The following PPP3CB variants were observed in gnomAD, a reference collection of about 807,000 sequenced individuals.
The protein encoded by PPP3CB is serine/threonine-protein phosphatase 2B catalytic subunit beta isoform.
In PPP3CB, 8 loss-of-function variants were observed where a neutral mutation model predicts 66.4. That is an observed-to-expected ratio of 0.12 (90% confidence interval 0.07 to 0.22). The LOEUF (loss-of-function observed/expected upper bound fraction) is 0.22. Among genes scored for constraint, PPP3CB ranks in the 10% least tolerant of loss-of-function variants. The probability of loss-of-function intolerance (pLI) is 1.00; values close to 1 mark genes in which losing one functional copy is unlikely to be tolerated. For missense variants in PPP3CB, 319 were observed against 642.5 expected (o/e 0.50, Z 5.44); for synonymous variants, 208 against 221.2 (o/e 0.94, Z 0.53).
chr10:73,446,452 A>T (rs1428060785), intron 11 of PPP3CB, 40 bp downstream of exon 11: 6 of 1,571,782 alleles, frequency 3.8e-6, no homozygotes, highest in African/African-American at 2.7e-5. Flanking sequence ...CAATAAACGT[A>T]ATTTCTGCAA....
chr10:73,440,491 A>G (rs1161186757), intron 12 of PPP3CB, among the ~76,000 whole-genome samples: 1 of 152,332 alleles, frequency 6.6e-6, no homozygotes, highest in South Asian at 2.1e-4. Context: ...AGGGCAGTAA[A>G]CTTGATGAAT....
chr10:73,479,545 TAA>T (rs768086430), intron 1 of PPP3CB, 28 bp from the exon 2 acceptor site: 5 of 1,592,526 alleles, frequency 3.1e-6, no homozygotes, highest in South Asian at 2.2e-5. Flanking sequence ...TAATAAAAGA[TAA>T]GTCACCAAAA....
chr10:73,450,142 C>T (rs573987447), intron 10 of PPP3CB, among the ~76,000 whole-genome samples: 1 of 152,278 alleles, frequency 6.6e-6, no homozygotes, highest in East Asian at 1.9e-4. Flanking sequence ...CTTCCTGACA[C>T]TCAGAAATCT....
chr10:73,462,138 T>C (rs1161079509), intron 9 of PPP3CB, among the ~76,000 whole-genome samples: 8 of 140,668 alleles, frequency 5.7e-5, no homozygotes, highest in Non-Finnish European at 9.2e-5. Context: ...ATTAAACTCC[T>C]TCTTTTTTTT....
Position 73,437,655 on chromosome 10 carries a change from T to C in PPP3CB, c.*587A>G, listed in dbSNP as rs2056089143. 1 of 152,630 alleles carries C rather than the reference T, an allele frequency of 6.6e-6. No individual in the cohort carries two copies. 9.5% of individuals were successfully genotyped at this position (152,630 alleles called of 1,614,324 possible). On this transcript the variant is annotated 3_prime_UTR_variant, in exon 14 of 14. Coordinates refer to ENST00000360663, the MANE Select transcript of PPP3CB (RefSeq NM_021132.4). ...AGCCTGCCTGGAAATAGGATATGCATTCATAATTAAAAAATACCAAGACTA... is the reference window on the plus strand; with the variant it reads ...AGCCTGCCTGGAAATAGGATATGCACTCATAATTAAAAAATACCAAGACTA...
At position 73,471,469 on chromosome 10, in the gene PPP3CB, C is replaced by T; in HGVS notation, c.668G>A (p.Arg223Lys). 2 of 1,602,390 alleles carry T rather than the reference C, an allele frequency of 1.2e-6. No homozygotes were observed. Among genetic ancestry groups the T allele is most frequent in the Non-Finnish European group, 1.7e-6 (2 of 1,175,838 alleles). ...PEIHTLDDIR[R>K]LDRFKEPPAF... ...CTCGGAAGTAAAATATATACTTACT[C>T]TCCTAATATCATCCAGTGTGTGTAT... The change falls in exon 5 of 14, where the codon AGA (arginine) becomes AAA (lysine). Residue 223 changes from arginine (R) to lysine (K), a missense_variant and splice_region_variant. By Grantham distance (26) the Arg-to-Lys change is conservative. Around this residue, in one of 5 missense-constraint regions of PPP3CB, gnomAD observed 19 missense variants for 17.0 expected, o/e 1.12. Coordinates refer to ENST00000360663, the MANE Select transcript of PPP3CB (RefSeq NM_021132.4).
chr10:73,453,080 T>C (rs1423317119), intron 10 of PPP3CB, among the ~76,000 whole-genome samples: 2 of 152,346 alleles, frequency 1.3e-5, no homozygotes, highest in East Asian at 3.9e-4. Flanking sequence ...GCAACTATAA[T>C]TTACTACTAT....
intron 3 of PPP3CB, among the ~76,000 whole-genome samples, chr10:73,476,837 GGAA>G (rs935520887): frequency 1.3e-5 from 2 of 151,998 alleles, no homozygotes; most frequent in African/African-American, 4.8e-5. Context: ...ATCAGCAGGA[GGAA>G]GAAGAACTCA....
chr10:73,474,598 A>G (rs955483872), intron 4 of PPP3CB, among the ~76,000 whole-genome samples: 1 of 149,482 alleles, frequency 6.7e-6, no homozygotes, highest in Non-Finnish European at 1.5e-5. Flanking sequence ...ACACCCAGCT[A>G]ATTTTTTTTT....
intron 10 of PPP3CB, among the ~76,000 whole-genome samples, chr10:73,451,260 G>C (rs2056340136): frequency 1.3e-5 from 2 of 151,654 alleles, no homozygotes; most frequent in Admixed American, 1.3e-4. Context: ...CCCTATAAAT[G>C]ACATATTTTT....
rs1321939231 is a variant in PPP3CB at position 73,443,270 on chromosome 10, A to AAGAAAGAAAGAC, written c.1366+1454_1366+1455insGTCTTTCTTTCT. On this transcript the variant is annotated intron_variant, in intron 12 of 13. Transcript: ENST00000360663. ...AGAGAAAGAGAGAGAGAGAGAGAGA[A>AAGAAAGAAAGAC]AGAAAGAAAGAAAGACAGAAAGAAA... Among the ~76,000 whole-genome samples the AAGAAAGAAAGAC allele has an allele frequency of 1.8e-3, 226 of 128,794 alleles. 1 individual carries two copies. The highest frequency in any genetic ancestry group is 3.0e-3 in the Non-Finnish European group (190 of 62,408). 84.5% of individuals were successfully genotyped at this position (128,794 alleles called of 152,430 possible).
chr10:73,481,867 A>G (rs186882059), intron 1 of PPP3CB, among the ~76,000 whole-genome samples: 71 of 152,182 alleles, frequency 4.7e-4, no homozygotes, highest in Middle Eastern at 3.4e-3. Context: ...CCTTCACAAG[A>G]AACATGTATT....
At chr10:73,477,819 G>A (rs1248528080) in intron 3 of PPP3CB, among the ~76,000 whole-genome samples, 4 of 151,898 alleles carry the variant, frequency 2.6e-5, no homozygotes, top group Admixed American at 1.3e-4. Context: ...TGAGAGACTG[G>A]GACAGAAGGA....
intron 3 of PPP3CB, among the ~76,000 whole-genome samples, chr10:73,476,918 T>C (rs373846429): frequency 2.6e-5 from 4 of 152,080 alleles, no homozygotes; most frequent in Non-Finnish European, 5.9e-5. Flanking sequence ...CTGAGAATCC[T>C]AGCACACCTC....
intron 12 of PPP3CB, among the ~76,000 whole-genome samples, chr10:73,441,794 C>T (rs887504045): frequency 3.9e-5 from 6 of 152,126 alleles, no homozygotes; most frequent in Admixed American, 2.6e-4. Context: ...AGAAAACATA[C>T]ATAAAATAAA....
intron 12 of PPP3CB, among the ~76,000 whole-genome samples, chr10:73,440,959 G>A (rs945590881): frequency 6.6e-6 from 1 of 152,094 alleles, no homozygotes; most frequent in Non-Finnish European, 1.5e-5. Flanking sequence ...CTGAGGACCA[G>A]GACTCAAGAT....
intron 1 of PPP3CB, among the ~76,000 whole-genome samples, chr10:73,481,853 T>C (rs2056885018): frequency 6.6e-6 from 1 of 151,978 alleles, no homozygotes; most frequent in South Asian, 2.1e-4. Flanking sequence ...CCTTGTTTAT[T>C]TTCCCTTCAC....
intron 10 of PPP3CB, among the ~76,000 whole-genome samples, chr10:73,447,099 T>C (rs2056269392): frequency 6.6e-6 from 1 of 152,200 alleles, no homozygotes. Flanking sequence ...CTAAAATGAA[T>C]GGCATGAAGG....
intron 3 of PPP3CB, among the ~76,000 whole-genome samples, chr10:73,477,418 G>GT (rs1262318534): frequency 6.6e-6 from 1 of 152,058 alleles, no homozygotes; most frequent in East Asian, 1.9e-4. Flanking sequence ...ATTATGGTTT[G>GT]TTTATTAGAT....
Sources: allele counts gnomAD v4.1 joint callset (sites outside exome capture counted in the v4.1 genomes callset), GRCh38; gene constraint gnomAD v4.1.1; regional missense constraint gnomAD v4.1.1; transcripts MANE v1.5; gene names NCBI Gene and HGNC (gene_info 2026-07-23, HGNC 2026-07-21).